The following IQGAP1 variants were observed in gnomAD, a reference collection of about 807,000 sequenced individuals.
IQGAP1 encodes the protein ras GTPase-activating-like protein IQGAP1.
IQGAP1 carries 66 observed loss-of-function variants against 215.6 expected under a neutral mutation model. The ratio of observed to expected loss-of-function variants is 0.31; its 90% CI spans 0.25 to 0.38. The LOEUF (loss-of-function observed/expected upper bound fraction) is 0.38. IQGAP1 is among the 10% of genes least tolerant of loss of function. IQGAP1 has a pLI of 1.00. For synonymous variants in IQGAP1, 772 were observed against 728.7 expected (o/e 1.06, Z -0.96); for missense variants, 1,712 against 1,997.1 (o/e 0.86, Z 2.72).
rs74452433 is a variant in IQGAP1 at position 90,453,364 on chromosome 15, C to T, written c.1487+72C>T. The T allele has an allele frequency of 3.4e-3, 4,075 of 1,184,718 alleles. 77 individuals are homozygous for T. The African/African-American group carries it at 0.05, about 14-fold the overall frequency. The allele number at this position is 1,184,718 out of a possible 1,614,324, so 73.4% of individuals were successfully genotyped here. A position where few individuals can be genotyped will look rare whatever the true frequency, so the allele number is the denominator to read the frequency against. On this transcript the variant is annotated intron_variant, in intron 13 of 37. Coordinates refer to ENST00000268182, the MANE Select transcript of IQGAP1 (RefSeq NM_003870.4). ...CCCTGTCTTTTGTATGTCAGTGCTC[C>T]GATTTTCTTTGCAGGCATTATTACT...
At chr15:90,480,204 T>G (rs1289974528) in intron 26 of IQGAP1, among the ~76,000 whole-genome samples, 1 of 140,042 alleles carries the variant, frequency 7.1e-6, no homozygotes, top group Non-Finnish European at 1.5e-5. Context: ...GCCTGGGCAA[T>G]GTAGACCCCA....
intron 18 of IQGAP1, among the ~76,000 whole-genome samples, chr15:90,470,522 A>G (rs1013268213): frequency 6.6e-6 from 1 of 152,170 alleles, no homozygotes; most frequent in Non-Finnish European, 1.5e-5. Context: ...AGCAGCCTAC[A>G]TACTTAAGCA....
intron 33 of IQGAP1, among the ~76,000 whole-genome samples, chr15:90,487,960 T>A (rs1596292504): frequency 6.6e-6 from 1 of 152,144 alleles, no homozygotes; most frequent in Non-Finnish European, 1.5e-5. Context: ...TGGTGGCTCA[T>A]GCCTGTAATC....
Position 90,410,223 on chromosome 15 carries a change from A to G in IQGAP1, c.156-15887A>G, listed in dbSNP as rs112836597. On this transcript the variant is annotated intron_variant, in intron 2 of 37. Transcript: ENST00000268182. ...TGTTTTAGACATGAAGTCCTTGCCC[A>G]TGCCTATGTCCTGAATGGTATTTCC... is the stretch of plus-strand genomic sequence containing the variant. Among the ~76,000 whole-genome samples, 821 of 152,320 alleles carry G rather than the reference A, an allele frequency of 5.4e-3. 10 individuals carry two copies. Among genetic ancestry groups the G allele is most frequent in the African/African-American group, 0.019 (797 of 41,572 alleles).
intron 1 of IQGAP1, among the ~76,000 whole-genome samples, chr15:90,389,448 C>T (rs1341336513): frequency 1.3e-5 from 2 of 151,030 alleles, no homozygotes; most frequent in African/African-American, 4.9e-5. Context: ...CAGGTTCAAG[C>T]GATTCTCCTG....
At chr15:90,492,830 A>G (rs1331044089) in intron 35 of IQGAP1, 119 bp downstream of exon 35, 1 of 746,670 alleles carries the variant, frequency 1.3e-6, no homozygotes, top group Non-Finnish European at 2.1e-6. Context: ...TTATTGCATT[A>G]GTCTTTTATT....
chr15:90,449,241 A>C (rs1333890379), intron 10 of IQGAP1, among the ~76,000 whole-genome samples: 2 of 152,148 alleles, frequency 1.3e-5, no homozygotes, highest in East Asian at 3.8e-4. Context: ...CATTTTACAA[A>C]TATCCAGCGT....
chr15:90,463,347 A>G (rs1422609338), intron 15 of IQGAP1, among the ~76,000 whole-genome samples: 1 of 152,188 alleles, frequency 6.6e-6, no homozygotes, highest in African/African-American at 2.4e-5. Flanking sequence ...TTCTGCTCAG[A>G]TATCTGTTGT....
chr15:90,442,302 A>G (rs1200663618), intron 8 of IQGAP1, among the ~76,000 whole-genome samples: 2 of 151,556 alleles, frequency 1.3e-5, no homozygotes, highest in East Asian at 3.9e-4. Context: ...ACTAAAAGTC[A>G]AAAATTAGCC....
chr15:90,433,040 G>C (rs764654746), intron 4 of IQGAP1, among the ~76,000 whole-genome samples: 14 of 152,080 alleles, frequency 9.2e-5, no homozygotes, highest in Admixed American at 1.3e-4. Context: ...CATAGATCTA[G>C]CCCTGCCTTC....
intron 2 of IQGAP1, chr15:90,397,888 C>CTTTTTTTTCT (rs1555434235): frequency 9.0e-5 from 4 of 44,386 alleles, no homozygotes; most frequent in South Asian, 8.1e-4. Context: ...TTTTTTTTTT[C>CTTTTTTTTCT]TTTTTTTTTT....
intron 18 of IQGAP1, among the ~76,000 whole-genome samples, chr15:90,470,380 A>C (rs935633585): frequency 6.6e-6 from 1 of 152,014 alleles, no homozygotes; most frequent in Non-Finnish European, 1.5e-5. Flanking sequence ...GTCAGGATTT[A>C]ATGTCTGTCT....
intron 10 of IQGAP1, 110 bp from the exon 11 acceptor site, chr15:90,449,449 A>T (rs1359768414): frequency 6.9e-6 from 6 of 864,286 alleles, no homozygotes; most frequent in South Asian, 1.8e-5. Flanking sequence ...GCTGTCACTT[A>T]TGACTATGGC....
intron 2 of IQGAP1, among the ~76,000 whole-genome samples, chr15:90,413,553 A>G (rs891834315): frequency 6.6e-5 from 10 of 152,218 alleles, no homozygotes; most frequent in Non-Finnish European, 1.5e-4. Flanking sequence ...ACGTAATGTC[A>G]GCAAGGGTTG....
At chr15:90,436,155 C>A (rs1965368182) in intron 5 of IQGAP1, among the ~76,000 whole-genome samples, 1 of 150,326 alleles carries the variant, frequency 6.7e-6, no homozygotes, top group Non-Finnish European at 1.5e-5. Context: ...TTGTAGATAA[C>A]ATTCCACTCT....
chr15:90,422,840 C>T (rs1325501526), intron 2 of IQGAP1, among the ~76,000 whole-genome samples: 4 of 151,688 alleles, frequency 2.6e-5, no homozygotes, highest in Non-Finnish European at 4.4e-5. Context: ...GGACTACAGG[C>T]ATGTGCCACC....
In IQGAP1 at chr15:90,486,963, C is replaced by A; in HGVS notation, c.4034C>A (p.Ser1345Tyr). ...CCTCCCAAAACTTCAGGGGAAAGCT[C>A]TGGCAATTTAAATGACCCAAATAAG... ...PTIESLIGES[S>Y]GNLNDPNKEA... Residue 1345 changes from serine to tyrosine, a missense_variant, in exon 32 of 38, where the codon TCT becomes TAT. Transcript: ENST00000268182. 1.2e-6 allele frequency: 2 copies of A among 1,614,064 alleles called. No homozygotes were observed.
chr15:90,492,570 G>A lies in IQGAP1; in HGVS notation c.4487G>A (p.Arg1496Gln), dbSNP rs1461459430. 6.2e-7 allele frequency: 1 copy of A among 1,609,924 alleles called. No individual in the cohort carries two copies. The highest frequency in any genetic ancestry group is 8.5e-7 in the Non-Finnish European group (1 of 1,178,898). The change falls in exon 35 of 38, where the codon CGA (arginine) becomes CAA (glutamine). Residue 1496 changes from arginine to glutamine, a missense_variant. Physicochemically the swap from Arg to Gln is conservative, Grantham distance 43 (BLOSUM62 1). Around this residue, in one of 2 missense-constraint regions of IQGAP1, gnomAD observed 691 missense variants for 923.0 expected, o/e 0.75. Transcript: ENST00000268182. ...ARDIRNQRRY[R>Q]QRRKAELVKL... ...GATATTCGGAATCAGCGGAGGTACCGACAGAGGAGAAAGGCCGAACTAGTG... is the reference window on the plus strand; with the variant it reads ...GATATTCGGAATCAGCGGAGGTACCAACAGAGGAGAAAGGCCGAACTAGTG...
rs1965450238 is a variant in IQGAP1, at chr15:90,441,525, T to C, written c.669T>C (p.Ala223=). The C allele has an allele frequency of 6.2e-7, 1 of 1,613,102 alleles. No individual in the cohort carries two copies. The highest frequency in any genetic ancestry group is 1.7e-5 in the Admixed American group (1 of 59,836). Residue 223 remains alanine, a synonymous_variant, in exon 8 of 38, where the codon GCT becomes GCC. Coordinates refer to ENST00000268182, the MANE Select transcript of IQGAP1 (RefSeq NM_003870.4). ...DEAALHAAVI[A]INEAIDRRIP... ...TTTTAGTACATGCTGCTGTTATTGCTATTAATGAAGCTATTGACCGTAGAA... is the reference window on the plus strand; with the variant it reads ...TTTTAGTACATGCTGCTGTTATTGCCATTAATGAAGCTATTGACCGTAGAA...
Sources: allele counts gnomAD v4.1 joint callset (sites outside exome capture counted in the v4.1 genomes callset), GRCh38; gene constraint gnomAD v4.1.1; regional missense constraint gnomAD v4.1.1; transcripts MANE v1.5; gene names NCBI Gene and HGNC (gene_info 2026-07-23, HGNC 2026-07-21).